MYO5A: variants seen among roughly 807,000 people sequenced by gnomAD.
MYO5A encodes the protein unconventional myosin-Va.
In MYO5A, 98 loss-of-function variants were observed where a neutral mutation model predicts 249.7. That is an observed-to-expected ratio of 0.39 (90% CI 0.33 to 0.46). The LOEUF is 0.46. Among genes scored for constraint, MYO5A ranks in the 20% least tolerant of loss-of-function variants. The pLI is 0.98. For synonymous variants in MYO5A, 778 were observed against 810.6 expected (o/e 0.96, Z 0.68); for missense variants, 1,696 against 2,308.8 (o/e 0.73, Z 5.44).
chr15:52,335,841 A>G (rs1001233882), intron 34 of MYO5A, among the ~76,000 whole-genome samples: 3 of 152,188 alleles, frequency 2.0e-5, no homozygotes, highest in African/African-American at 7.2e-5. Context: ...TCATCTTAGT[A>G]TCCCTAATAC....
At chr15:52,493,350 T>C (rs2076973419) in intron 1 of MYO5A, among the ~76,000 whole-genome samples, 1 of 152,174 alleles carries the variant, frequency 6.6e-6, no homozygotes, top group Non-Finnish European at 1.5e-5. Context: ...GAATGGAGAA[T>C]GTTTCTTCCA....
rs183013564 is a variant in MYO5A at position 52,435,498 on chromosome 15, C to T, written c.28-2213G>A. On this transcript the variant is annotated intron_variant, in intron 1 of 41. Coordinates refer to ENST00000399233, the MANE Select transcript of MYO5A (RefSeq NM_001382347.1). Reference sequence around the variant, plus strand: ...TTCACCGTGTTAGCCAGGATGGTCTCGATCTCCTGACCTCATGATCCACCC... The same window carrying T: ...TTCACCGTGTTAGCCAGGATGGTCTTGATCTCCTGACCTCATGATCCACCC... The T allele has an allele frequency of 1.3e-3, 467 of 361,936 alleles. 2 individuals are homozygous for T. Among genetic ancestry groups the T allele is most frequent in the African/African-American group, 8.0e-3 (370 of 46,490 alleles). The allele number at this position is 361,936 out of a possible 1,614,324, so 22.4% of individuals were successfully genotyped here.
chr15:52,504,885 T>G (rs111986603), intron 1 of MYO5A, among the ~76,000 whole-genome samples: 9 of 146,120 alleles, frequency 6.2e-5, no homozygotes, highest in Non-Finnish European at 1.0e-4. Context: ...CGAGACTCCA[T>G]CTCAAAAAAA....
At position 52,359,064 on chromosome 15, in the gene MYO5A, C is replaced by T. The variant is rs117204738; in HGVS notation, c.3423+904G>A. 5.2e-3 allele frequency among the ~76,000 whole-genome samples: 794 copies of T among 152,286 alleles called. 2 individuals carry two copies. The highest frequency in any genetic ancestry group is 7.6e-3 in the Non-Finnish European group (516 of 68,008). On this transcript the variant is annotated intron_variant, in intron 25 of 41. Transcript: ENST00000399233. ...ATAAGCTGTGAACCTGGACAAATTA[C>T]TTAGCCTTCTTGTATGTATGATTCC... is the stretch of plus-strand genomic sequence containing the variant.
chr15:52,462,584 A>G (rs2141418419), intron 1 of MYO5A, among the ~76,000 whole-genome samples: 1 of 152,342 alleles, frequency 6.6e-6, no homozygotes, highest in East Asian at 1.9e-4. Flanking sequence ...ACAGTGGCTC[A>G]CGCCTATAAT....
chr15:52,372,393 C>G (rs1192484274), intron 20 of MYO5A, 30 bp from the exon 21 acceptor site: 1 of 1,598,342 alleles, frequency 6.3e-7, no homozygotes, highest in African/African-American at 1.3e-5. Flanking sequence ...CAAGCAATGT[C>G]AAGACCCTGG....
intron 5 of MYO5A, among the ~76,000 whole-genome samples, chr15:52,414,024 G>A (rs576952711): frequency 1.7e-3 from 253 of 152,264 alleles, no homozygotes; most frequent in African/African-American, 5.2e-3. Flanking sequence ...GCTGGGAGGT[G>A]GGGTCTAGTA....
chr15:52,458,245 TAGA>T (rs1029086761), intron 1 of MYO5A, among the ~76,000 whole-genome samples: 27 of 152,184 alleles, frequency 1.8e-4, no homozygotes, highest in African/African-American at 4.8e-4. Context: ...TCAAAACAGC[TAGA>T]AGAAGAAGAT....
At chr15:52,372,616 A>C (rs1292594589) in intron 20 of MYO5A, among the ~76,000 whole-genome samples, 1 of 152,190 alleles carries the variant, frequency 6.6e-6, no homozygotes, top group Non-Finnish European at 1.5e-5. Flanking sequence ...TGCACATATT[A>C]TGTGTATAAT....
chr15:52,322,722 A>AC (rs2038388571), intron 37 of MYO5A, among the ~76,000 whole-genome samples: 1 of 152,028 alleles, frequency 6.6e-6, no homozygotes, highest in South Asian at 2.1e-4. Context: ...CAAAAACAAT[A>AC]GAGTTTTTTT....
intron 1 of MYO5A, among the ~76,000 whole-genome samples, chr15:52,435,271 T>C (rs1211733867): frequency 7.0e-6 from 1 of 143,102 alleles, no homozygotes; most frequent in Non-Finnish European, 1.5e-5. Flanking sequence ...ACCTCTTTTT[T>C]TTTTTTTTTT....
chr15:52,516,354 C>A (rs934491247), intron 1 of MYO5A, among the ~76,000 whole-genome samples: 5 of 152,162 alleles, frequency 3.3e-5, no homozygotes, highest in African/African-American at 4.8e-5. Context: ...AATTTACTGC[C>A]ATGGAACCAC....
intron 27 of MYO5A, among the ~76,000 whole-genome samples, chr15:52,351,903 G>A (rs8040369): frequency 0.097 from 14,830 of 152,232 alleles, 2,242 homozygotes; most frequent in African/African-American, 0.33. Context: ...GATCCCTGAA[G>A]TCTTTAGTAG....
chr15:52,322,082 G>A (rs1030818893), intron 37 of MYO5A, among the ~76,000 whole-genome samples: 1 of 152,208 alleles, frequency 6.6e-6, no homozygotes, highest in Admixed American at 6.5e-5. Flanking sequence ...GAACTGAATG[G>A]GCGGCACTTC....
intron 1 of MYO5A, among the ~76,000 whole-genome samples, chr15:52,455,844 A>G (rs1379092863): frequency 6.6e-6 from 1 of 152,096 alleles, no homozygotes; most frequent in African/African-American, 2.4e-5. Flanking sequence ...CACATATGAG[A>G]AACCCACAGC....
rs1369650661 is a variant in MYO5A at position 52,416,045 on chromosome 15, G to A, written c.612+100C>T. The A allele has an allele frequency of 2.9e-6, 4 of 1,366,900 alleles. No homozygotes were observed. The East Asian group carries it at 7.0e-5, about 24-fold the overall frequency. The allele number at this position is 1,366,900 out of a possible 1,614,324, so 84.7% of individuals were successfully genotyped here. A position where few individuals can be genotyped will look rare whatever the true frequency, so the allele number is the denominator to read the frequency against. ...AGCATTTTCTTAATTTTAGTGGCTG[G>A]AGACCCCAGGCTTTCTGAGACATGC... On this transcript the variant is annotated intron_variant, in intron 5 of 41. Coordinates refer to ENST00000399233, the MANE Select transcript of MYO5A (RefSeq NM_001382347.1).
Position 52,360,016 on chromosome 15 carries a change from G to T in MYO5A, c.3375C>A (p.Ile1125=). The T allele has an allele frequency of 6.2e-7, 1 of 1,613,750 alleles. No individual in the cohort carries two copies. Among genetic ancestry groups the T allele is most frequent in the South Asian group, 1.1e-5 (1 of 91,040 alleles). Residue 1125 remains isoleucine (I), a synonymous_variant, in exon 25 of 42, where the codon ATC becomes ATA. Coordinates refer to ENST00000399233, the MANE Select transcript of MYO5A (RefSeq NM_001382347.1). The part of the protein sequence containing the change: ...STHSSNESEY[I]FSSEIAEMED... ...CCATTTCTGCAATTTCAGAGCTAAA[G>T]ATATATTCAGACTCGTTGCTGCTGT...
intron 1 of MYO5A, among the ~76,000 whole-genome samples, chr15:52,448,918 T>C (rs1373064953): frequency 6.7e-6 from 1 of 149,730 alleles, no homozygotes; most frequent in Non-Finnish European, 1.5e-5. Flanking sequence ...AAGTACCCAG[T>C]CTCAGGTATT....
intron 1 of MYO5A, among the ~76,000 whole-genome samples, chr15:52,453,449 G>T (rs2076059427): frequency 6.6e-6 from 1 of 151,718 alleles, no homozygotes; most frequent in Non-Finnish European, 1.5e-5. Context: ...TCTTCAATGT[G>T]GAAGAAGAAA....
Sources: allele counts gnomAD v4.1 joint callset (sites outside exome capture counted in the v4.1 genomes callset), GRCh38; gene constraint gnomAD v4.1.1; transcripts MANE v1.5; gene names NCBI Gene and HGNC (gene_info 2026-07-23, HGNC 2026-07-21).